The following KIAA0825 variants were observed in gnomAD, a reference collection of about 807,000 sequenced individuals.
The protein encoded by KIAA0825 is uncharacterized protein KIAA0825.
Under a neutral mutation model 147.6 loss-of-function variants are expected in KIAA0825, and 119 were observed. The ratio of observed to expected loss-of-function variants is 0.81; its 90% confidence interval spans 0.69 to 0.94. The LOEUF is 0.94. KIAA0825 is among the 40% of genes least tolerant of loss of function. KIAA0825 has a pLI of 0.00. For missense variants in KIAA0825, 1,381 were observed against 1,472.7 expected, an observed-to-expected ratio of 0.94 and a Z score of 1.02; for synonymous variants, 470 against 518.1, an observed-to-expected ratio of 0.91 and a Z score of 1.26.
At chr5:94,156,672 G>A (rs1767056162) in intron 20 of KIAA0825, among the ~76,000 whole-genome samples, 1 of 152,078 alleles carries the variant, frequency 6.6e-6, no homozygotes, top group South Asian at 2.1e-4. Context: ...GTATAATTGA[G>A]CTGTTAGTAA....
At chr5:94,386,095 A>G (rs1372355501) in intron 19 of KIAA0825, 147 bp downstream of exon 19, 1 of 620,912 alleles carries the variant, frequency 1.6e-6, no homozygotes, top group Non-Finnish European at 2.7e-6. Flanking sequence ...CTTAAAAGTC[A>G]ATTTGTACAG....
At chr5:94,176,068 G>A (rs1187381570) in intron 20 of KIAA0825, among the ~76,000 whole-genome samples, 1 of 152,102 alleles carries the variant, frequency 6.6e-6, no homozygotes, top group African/African-American at 2.4e-5. Flanking sequence ...GACCCATGTT[G>A]AAATTTGATC....
chr5:94,552,265 T>C (rs919859941), intron 2 of KIAA0825, among the ~76,000 whole-genome samples: 2 of 152,048 alleles, frequency 1.3e-5, no homozygotes, highest in African/African-American at 4.8e-5. Context: ...TAACTAGATA[T>C]AAAAGGCAAA....
At chr5:94,160,903 T>A (rs1385162674) in intron 20 of KIAA0825, among the ~76,000 whole-genome samples, 1 of 152,014 alleles carries the variant, frequency 6.6e-6, no homozygotes, top group African/African-American at 2.4e-5. Context: ...GAAAGTAATG[T>A]CTCTGTTTCC....
At chr5:94,457,615 T>C (rs1478326342) in intron 12 of KIAA0825, among the ~76,000 whole-genome samples, 1 of 129,176 alleles carries the variant, frequency 7.7e-6, no homozygotes, top group Non-Finnish European at 1.7e-5. Flanking sequence ...CTGGGTTCTC[T>C]GATCTACACC....
intron 14 of KIAA0825, among the ~76,000 whole-genome samples, chr5:94,432,855 A>G (rs1034698142): frequency 6.6e-6 from 1 of 152,062 alleles, no homozygotes; most frequent in African/African-American, 2.4e-5. Context: ...GCAAGACCCC[A>G]TTTCTAATAA....
At chr5:94,438,719 G>T (rs1246794215) in intron 14 of KIAA0825, among the ~76,000 whole-genome samples, 1 of 152,122 alleles carries the variant, frequency 6.6e-6, no homozygotes, top group Non-Finnish European at 1.5e-5. Flanking sequence ...GAGAATATGG[G>T]GAACTGGTCC....
intron 1 of KIAA0825, among the ~76,000 whole-genome samples, chr5:94,600,771 C>CA (rs34545155): frequency 0.14 from 21,676 of 152,100 alleles, 1,761 homozygotes; most frequent in East Asian, 0.32. Context: ...GAAGTAGTAC[C>CA]ACAGCACCAC....
intron 20 of KIAA0825, among the ~76,000 whole-genome samples, chr5:94,220,362 A>G (rs1773573511): frequency 6.7e-6 from 1 of 149,772 alleles, no homozygotes; most frequent in South Asian, 2.1e-4. Context: ...TACAGTTAAC[A>G]TTTTTTTTTT....
chr5:94,346,422 C>T (rs114577512), intron 20 of KIAA0825, among the ~76,000 whole-genome samples: 5,476 of 152,044 alleles, frequency 0.036, 312 homozygotes, highest in African/African-American at 0.13. Flanking sequence ...ACCAGCAATC[C>T]CGAGAGGATT....
At chr5:94,514,091 C>A (rs1270598499) in intron 5 of KIAA0825, among the ~76,000 whole-genome samples, 1 of 152,050 alleles carries the variant, frequency 6.6e-6, no homozygotes, top group African/African-American at 2.4e-5. Flanking sequence ...AATATAGATG[C>A]ATCTTGCAAC....
At chr5:94,445,786 A>T (rs1757648884) in intron 13 of KIAA0825, among the ~76,000 whole-genome samples, 1 of 152,170 alleles carries the variant, frequency 6.6e-6, no homozygotes, top group Admixed American at 6.5e-5. Flanking sequence ...CACTTTTTAA[A>T]ATAACTGTTC....
intron 2 of KIAA0825, among the ~76,000 whole-genome samples, chr5:94,563,614 G>T (rs922031145): frequency 1.6e-4 from 24 of 152,296 alleles, no homozygotes; most frequent in African/African-American, 5.8e-4. Context: ...TATCTTTGAA[G>T]TTTAATTTAT....
rs1399257029 is a variant in KIAA0825 at position 94,612,675 on chromosome 5, T to C, written c.-153+5825A>G. Among the ~76,000 whole-genome samples, 7 of 152,174 alleles carry C rather than the reference T, an allele frequency of 4.6e-5. No homozygotes were observed. In the East Asian group the frequency reaches 1.4e-3, roughly 29 times the overall value. ...TATACATGCATTATTTTATTTAATC[T>C]TCACAAAAGGCCTATGAAGACATCA... On this transcript the variant is annotated intron_variant, in intron 1 of 20. Transcript: ENST00000682413.
intron 2 of KIAA0825, chr5:94,569,731 A>C (rs1779531557): frequency 3.4e-6 from 1 of 290,622 alleles, no homozygotes; most frequent in Admixed American, 5.3e-5. Context: ...CCGCCTTCTC[A>C]TCAATCGCCC....
chr5:94,577,643 C>T (rs1332439469), intron 2 of KIAA0825, among the ~76,000 whole-genome samples: 1 of 152,114 alleles, frequency 6.6e-6, no homozygotes, highest in Non-Finnish European at 1.5e-5. Context: ...CAAAAACATG[C>T]CAACTCACTT....
chr5:94,338,073 G>A (rs542132049), intron 20 of KIAA0825, among the ~76,000 whole-genome samples: 8 of 152,266 alleles, frequency 5.3e-5, no homozygotes, highest in Non-Finnish European at 1.0e-4. Context: ...GATTGGAAAT[G>A]GGGTGCATGA....
At chr5:94,348,154 G>A (rs1432794847) in intron 20 of KIAA0825, among the ~76,000 whole-genome samples, 1 of 152,032 alleles carries the variant, frequency 6.6e-6, no homozygotes, top group Non-Finnish European at 1.5e-5. Flanking sequence ...TATGTTAAAT[G>A]ACCAAACCTA....
At chr5:94,351,537 G>A (rs1783673035) in intron 20 of KIAA0825, among the ~76,000 whole-genome samples, 1 of 152,132 alleles carries the variant, frequency 6.6e-6, no homozygotes, top group Non-Finnish European at 1.5e-5. Flanking sequence ...CAAATTCAAT[G>A]CAATCCACAT....
Sources: gnomAD v4.1 joint callset for allele counts (sites outside exome capture counted in the v4.1 genomes callset) on GRCh38, gnomAD v4.1.1 for gene constraint, MANE v1.5 for transcripts, NCBI Gene and HGNC (gene_info 2026-07-23, HGNC 2026-07-21) for gene names.